The following SPSB1 variants were observed in gnomAD, a reference collection of about 807,000 sequenced individuals.
SPSB1 encodes splA/ryanodine receptor domain and SOCS box containing 1, also known as SPRY domain-containing SOCS box protein 1.
In SPSB1, 8 loss-of-function variants were observed where a neutral mutation model predicts 21.2. The ratio of observed to expected loss-of-function variants is 0.38; its 90% CI spans 0.22 to 0.68. SPSB1 has a LOEUF of 0.68. SPSB1 is among the 30% of genes least tolerant of loss of function. The pLI is 0.53. For synonymous variants in SPSB1, 169 were observed against 161.7 expected (o/e 1.05, Z -0.34); for missense variants, 242 against 377.8 (o/e 0.64, Z 2.98).
Position 9,348,998 on chromosome 1 carries a change from T to C in SPSB1, c.-149-6745T>C, listed in dbSNP as rs114335093. ...GTGTGTGCACGTGCATGTGTGTGTGTAGTGGTGGGGTATTCCTCCCACTGG... is the reference window on the plus strand; with the variant it reads ...GTGTGTGCACGTGCATGTGTGTGTGCAGTGGTGGGGTATTCCTCCCACTGG... On this transcript the variant is annotated intron_variant, in intron 1 of 2. Coordinates refer to ENST00000328089, the MANE Select transcript of SPSB1 (RefSeq NM_025106.4). The surrounding 1 kb of genome is among the most constrained non-coding windows in gnomAD (Gnocchi z 4.8). Among the ~76,000 whole-genome samples, 3 of 152,210 alleles carry C rather than the reference T, an allele frequency of 2.0e-5. No homozygotes were observed. Among genetic ancestry groups the C allele is most frequent in the Non-Finnish European group, 4.4e-5 (3 of 68,008 alleles).
intron 1 of SPSB1, among the ~76,000 whole-genome samples, chr1:9,352,982 G>A (rs1640291731): frequency 6.6e-6 from 1 of 152,034 alleles, no homozygotes; most frequent in Non-Finnish European, 1.5e-5. Flanking sequence ...GGGCTACGCT[G>A]CAGGAAGCGT....
Position 9,323,210 on chromosome 1 carries a change from C to T in SPSB1, c.-150+30139C>T, listed in dbSNP as rs559138170. Among the ~76,000 whole-genome samples, 13 of 152,352 alleles carry T rather than the reference C, an allele frequency of 8.5e-5. No individual in the cohort carries two copies. The South Asian group carries it at 1.0e-3, about 12-fold the overall frequency. ...CCGGCACTCAGCCTTTTCGCTCTCA[C>T]GAAGTGCCCTGGCTGGGCTGGCGGC... is the stretch of plus-strand genomic sequence containing the variant. On this transcript the variant is annotated intron_variant, in intron 1 of 2. Transcript: ENST00000328089.
At chr1:9,328,261 C>T (rs1413460193) in intron 1 of SPSB1, among the ~76,000 whole-genome samples, 2 of 152,208 alleles carry the variant, frequency 1.3e-5, no homozygotes, top group South Asian at 2.1e-4. Context: ...CAAAGACATT[C>T]GGAGGTCCTC....
intron 1 of SPSB1, among the ~76,000 whole-genome samples, chr1:9,325,802 C>T (rs538600344): frequency 3.2e-4 from 49 of 152,132 alleles, no homozygotes; most frequent in Non-Finnish European, 4.6e-4. Context: ...GCCTCAGTGA[C>T]GTGGTGACCT....
At chr1:9,301,541 A>ACCT (rs144801831) in intron 1 of SPSB1, among the ~76,000 whole-genome samples, 14,239 of 151,242 alleles carry the variant, frequency 0.094, 1,448 homozygotes, top group African/African-American at 0.26. Context: ...ATGTGGATAG[A>ACCT]CCTGAGTGCG....
chr1:9,331,640 T>A (rs970007386), intron 1 of SPSB1, among the ~76,000 whole-genome samples: 1 of 152,078 alleles, frequency 6.6e-6, no homozygotes, highest in African/African-American at 2.4e-5. Context: ...CGGCACTCAT[T>A]CTTATGGGCT....
chr1:9,315,008 A>T (rs908305104), intron 1 of SPSB1, among the ~76,000 whole-genome samples: 2 of 152,240 alleles, frequency 1.3e-5, no homozygotes, highest in African/African-American at 4.8e-5. Context: ...ACTTTTTAAG[A>T]TGTTGGCAAA....
Position 9,345,827 on chromosome 1 carries a change from G to A in SPSB1, c.-149-9916G>A, listed in dbSNP as rs1032110411. Reference sequence around the variant, plus strand: ...TTCCAGAAGGATCCTGTTCTTTTTTGTTGATTCTAGGGGCACAGACTTATT... The same window carrying A: ...TTCCAGAAGGATCCTGTTCTTTTTTATTGATTCTAGGGGCACAGACTTATT... On this transcript the variant is annotated intron_variant, in intron 1 of 2. Coordinates refer to ENST00000328089, the MANE Select transcript of SPSB1 (RefSeq NM_025106.4). The surrounding 1 kb of genome is among the most constrained non-coding windows in gnomAD (Gnocchi z 4.8). Among the ~76,000 whole-genome samples, 5 of 152,104 alleles carry A rather than the reference G, an allele frequency of 3.3e-5. No individual in the cohort carries two copies. The highest frequency in any genetic ancestry group is 1.2e-4 in the African/African-American group (5 of 41,438).
In SPSB1 at chr1:9,335,501, C is replaced by CA. The variant is rs61620058; in HGVS notation, c.-149-20228dup. Among the ~76,000 whole-genome samples, 778 of 139,538 alleles carry CA rather than the reference C, an allele frequency of 5.6e-3. 5 individuals carry two copies. Among genetic ancestry groups the CA allele is most frequent in the African/African-American group, 0.016 (595 of 37,012 alleles). The allele number at this position is 139,538 out of a possible 152,430, so 91.5% of individuals were successfully genotyped here. ...TGGGTGACAGAGCGAGTCTCTGTCT[C>CA]AAAAAAAAAAAAAAGATCGTTGTGG... On this transcript the variant is annotated intron_variant, in intron 1 of 2. Transcript: ENST00000328089.
intron 2 of SPSB1, among the ~76,000 whole-genome samples, chr1:9,366,661 T>A (rs144099758): frequency 1.7e-4 from 26 of 150,440 alleles, no homozygotes; most frequent in African/African-American, 6.4e-4. Context: ...GCAACCTCCA[T>A]CTCCCAGGTT....
chr1:9,364,847 C>CGTT (rs918753192), intron 2 of SPSB1, among the ~76,000 whole-genome samples: 9 of 129,376 alleles, frequency 7.0e-5, no homozygotes, highest in African/African-American at 2.2e-4. Flanking sequence ...TTGTTGTTGT[C>CGTT]GTTGTTGTTG....
At chr1:9,322,682 G>T (rs767924063) in intron 1 of SPSB1, among the ~76,000 whole-genome samples, 29 of 152,332 alleles carry the variant, frequency 1.9e-4, no homozygotes, top group Non-Finnish European at 3.4e-4. Context: ...CCACCTGCAG[G>T]TTCCACTGTG....
intron 2 of SPSB1, among the ~76,000 whole-genome samples, chr1:9,362,994 C>A (rs1640505243): frequency 6.6e-6 from 1 of 152,196 alleles, no homozygotes; most frequent in African/African-American, 2.4e-5. Flanking sequence ...CAGCAGGCAC[C>A]TGGGTTTGTG....
chr1:9,307,585 T>C (rs1639440846), intron 1 of SPSB1, among the ~76,000 whole-genome samples: 1 of 152,160 alleles, frequency 6.6e-6, no homozygotes, highest in Admixed American at 6.5e-5. Context: ...CCGTCCTGGC[T>C]CAGTTGTAGA....
chr1:9,334,442 A>T (rs757326207), intron 1 of SPSB1, among the ~76,000 whole-genome samples: 15 of 151,930 alleles, frequency 9.9e-5, no homozygotes, highest in Non-Finnish European at 2.1e-4. Flanking sequence ...GCTGGTCTCG[A>T]ACTTCTGGCC....
chr1:9,358,022 G>T (rs138497370), intron 2 of SPSB1, among the ~76,000 whole-genome samples: 4 of 152,150 alleles, frequency 2.6e-5, no homozygotes, highest in Admixed American at 6.5e-5. Flanking sequence ...AGAGGCAGAG[G>T]GGGGTGAGGC....
Position 9,321,399 on chromosome 1 carries a change from G to C in SPSB1, c.-150+28328G>C, listed in dbSNP as rs139752168. 4.6e-5 allele frequency among the ~76,000 whole-genome samples: 7 copies of C among 152,314 alleles called. No homozygotes were observed. Among genetic ancestry groups the C allele is most frequent in the Non-Finnish European group, 1.0e-4 (7 of 68,034 alleles). ...AGCTCCAGGGCCCATTCTTGGGAGA[G>C]AGCGGATCCTGTGTGATTTTACGGA... is the stretch of plus-strand genomic sequence containing the variant. On this transcript the variant is annotated intron_variant, in intron 1 of 2. Coordinates refer to ENST00000328089, the MANE Select transcript of SPSB1 (RefSeq NM_025106.4). This position sits in a 1 kb window ranked among gnomAD's most constrained non-coding sequence, Gnocchi z 4.8.
At chr1:9,329,600 A>C (rs961872023) in intron 1 of SPSB1, among the ~76,000 whole-genome samples, 1 of 151,784 alleles carries the variant, frequency 6.6e-6, no homozygotes, top group Non-Finnish European at 1.5e-5. Context: ...AGGCTGAGGC[A>C]GGAGAATCCC....
intron 2 of SPSB1, among the ~76,000 whole-genome samples, chr1:9,362,192 C>T (rs114326013): frequency 6.7e-6 from 1 of 150,146 alleles, no homozygotes; most frequent in African/African-American, 2.5e-5. Flanking sequence ...CTCCCTCCCT[C>T]CCTTCCTTCC....
Sources: allele counts gnomAD v4.1 joint callset (sites outside exome capture counted in the v4.1 genomes callset), GRCh38; gene constraint gnomAD v4.1.1; non-coding constraint Gnocchi (gnomAD v3.1); transcripts MANE v1.5; gene names NCBI Gene and HGNC (gene_info 2026-07-23, HGNC 2026-07-21).